Variants in ADAMTS6 observed in about 807,000 individuals in gnomAD.
The protein encoded by ADAMTS6 is ADAM metallopeptidase with thrombospondin type 1 motif 6, also known as A disintegrin and metalloproteinase with thrombospondin motifs 6.
A neutral mutation model predicts 144.3 loss-of-function variants in ADAMTS6; 23 were observed. The ratio of observed to expected loss-of-function variants is 0.16; its 90% CI spans 0.11 to 0.23. The LOEUF (loss-of-function observed/expected upper bound fraction) is 0.23, where lower values mean the gene tolerates loss of function less well. Ranked by LOEUF, ADAMTS6 falls within the 10% of genes least tolerant of loss-of-function variation. The probability of loss-of-function intolerance (pLI) is 1.00; values close to 1 mark genes in which losing one functional copy is unlikely to be tolerated. For synonymous variants in ADAMTS6, 444 were observed against 457.5 expected (o/e 0.97, Z 0.38); for missense variants, 999 against 1,379.6 (o/e 0.72, Z 4.37).
At chr5:65,188,241 A>C in intron 21 of ADAMTS6, 21 bp from the exon 22 acceptor site, 1 of 1,611,172 alleles carries the variant, frequency 6.2e-7, no homozygotes, top group Non-Finnish European at 8.5e-7. Context: ...ACATGGAAGA[A>C]ACACAGAAAA....
intron 22 of ADAMTS6, among the ~76,000 whole-genome samples, chr5:65,187,096 G>A (rs893434669): frequency 1.3e-5 from 2 of 152,232 alleles, no homozygotes; most frequent in African/African-American, 4.8e-5. Flanking sequence ...TATTAGAACA[G>A]AGTCTGAGAT....
Position 65,451,590 on chromosome 5 carries a change from T to G in ADAMTS6, c.958A>C (p.Lys320Gln), listed in dbSNP as rs1758744312. Residue 320 changes from lysine (K) to glutamine (Q), a missense_variant, in exon 7 of 25, where the codon AAG becomes CAG. Transcript: ENST00000381055. ...PNLEINHHADKSLDSFCKWQK... is the reference protein window; with the variant it reads ...PNLEINHHADQSLDSFCKWQK... ...CATTTACAGAAGCTATCGAGGGACTTGTCTGCATGGTGGTTTATCTCCAAG... is the reference window on the plus strand; with the variant it reads ...CATTTACAGAAGCTATCGAGGGACTGGTCTGCATGGTGGTTTATCTCCAAG... 1 of 1,612,974 alleles carries G rather than the reference T, an allele frequency of 6.2e-7. No homozygotes were observed. The highest frequency in any genetic ancestry group is 1.1e-5 in the South Asian group (1 of 90,942).
At chr5:65,215,558 G>T in intron 18 of ADAMTS6, 71 bp from the exon 19 acceptor site, 1 of 1,349,000 alleles carries the variant, frequency 7.4e-7, no homozygotes, top group Non-Finnish European at 1.0e-6. Context: ...ATTAATTACT[G>T]CAATAAAGTA....
intron 10 of ADAMTS6, among the ~76,000 whole-genome samples, chr5:65,298,450 T>C (rs1743066334): frequency 6.6e-6 from 1 of 152,152 alleles, no homozygotes; most frequent in Non-Finnish European, 1.5e-5. Context: ...AGGGAGAAAT[T>C]CCAGATCTGA....
chr5:65,418,218 A>G (rs1755705222), intron 7 of ADAMTS6, among the ~76,000 whole-genome samples: 1 of 152,198 alleles, frequency 6.6e-6, no homozygotes, highest in Admixed American at 6.5e-5. Flanking sequence ...AAATTAACTC[A>G]AGATGGATTA....
At chr5:65,332,339 A>AGAGAGT (rs1561433995) in intron 8 of ADAMTS6, among the ~76,000 whole-genome samples, 1 of 145,414 alleles carries the variant, frequency 6.9e-6, no homozygotes, top group African/African-American at 2.5e-5. Context: ...AGAGAGAGAG[A>AGAGAGT]GTGTATATGT....
At chr5:65,302,107 A>AAAAAAAT (rs1385159906) in intron 9 of ADAMTS6, among the ~76,000 whole-genome samples, 1 of 34,084 alleles carries the variant, frequency 2.9e-5, no homozygotes, top group African/African-American at 1.1e-4. Context: ...AAAAAAAAAA[A>AAAAAAAT]ATATATATAT....
At position 65,241,889 on chromosome 5, in the gene ADAMTS6, G is replaced by A. The variant is rs559026255; in HGVS notation, c.1933+215C>T. 2.6e-5 allele frequency among the ~76,000 whole-genome samples: 4 copies of A among 152,238 alleles called. No homozygotes were observed. The East Asian group carries it at 7.7e-4, about 29-fold the overall frequency. Reference sequence around the variant, plus strand: ...TAAACATAATTAGGTTTTAAGAAATGATTTCTGATCATTTGTACTAATATA... The same window carrying A: ...TAAACATAATTAGGTTTTAAGAAATAATTTCTGATCATTTGTACTAATATA... On this transcript the variant is annotated intron_variant, in intron 15 of 24. Transcript: ENST00000381055.
chr5:65,191,872 T>C (rs541585202), intron 21 of ADAMTS6, among the ~76,000 whole-genome samples: 2 of 152,210 alleles, frequency 1.3e-5, no homozygotes, highest in Admixed American at 1.3e-4. Flanking sequence ...CAAGCAAAAT[T>C]AGATGTATCA....
chr5:65,248,741 C>T (rs768049152), intron 14 of ADAMTS6, among the ~76,000 whole-genome samples: 1 of 152,064 alleles, frequency 6.6e-6, no homozygotes, highest in East Asian at 1.9e-4. Flanking sequence ...GAGTCCAGAT[C>T]ATACCACTGC....
At chr5:65,324,076 C>T (rs1027430559) in intron 9 of ADAMTS6, among the ~76,000 whole-genome samples, 2 of 152,118 alleles carry the variant, frequency 1.3e-5, no homozygotes, top group African/African-American at 4.8e-5. Context: ...GTTGCCTGTT[C>T]ACTCTGATGG....
At chr5:65,187,438 T>G (rs1312105586) in intron 22 of ADAMTS6, among the ~76,000 whole-genome samples, 1 of 152,216 alleles carries the variant, frequency 6.6e-6, no homozygotes, top group Non-Finnish European at 1.5e-5. Context: ...TCCTATGTTA[T>G]AACCTTCAGC....
In ADAMTS6 at chr5:65,398,838, AAGAAAGAAAGAAAAAG is replaced by A. The variant is rs1416141770; in HGVS notation, c.1073+52621_1073+52636del. On this transcript the variant is annotated intron_variant, in intron 7 of 24. Transcript: ENST00000381055. ...AAAGAAAGAAAGAAAGAAAGAAAGA[AAGAAAGAAAGAAAAAG>A]AAAGAGAAAGAAAGAAAGAAAGAAA... is the stretch of plus-strand genomic sequence containing the variant. Among the ~76,000 whole-genome samples, 73 of 128,076 alleles carry A rather than the reference AAGAAAGAAAGAAAAAG, an allele frequency of 5.7e-4. No homozygotes were observed. In the East Asian group the frequency reaches 0.012, roughly 21 times the overall value. 84.0% of individuals were successfully genotyped at this position (128,076 alleles called of 152,430 possible). A position where few individuals can be genotyped will look rare whatever the true frequency, so the allele number is the denominator to read the frequency against.
At chr5:65,357,992 T>C (rs951638511) in intron 7 of ADAMTS6, among the ~76,000 whole-genome samples, 4 of 151,896 alleles carry the variant, frequency 2.6e-5, no homozygotes, top group Non-Finnish European at 4.4e-5. Flanking sequence ...AAGGCAAGTA[T>C]TATGGTACCA....
intron 22 of ADAMTS6, among the ~76,000 whole-genome samples, chr5:65,181,178 CTAATT>C (rs1754327661): frequency 6.6e-6 from 1 of 152,152 alleles, no homozygotes; most frequent in Admixed American, 6.5e-5. Flanking sequence ...TATGTATTGT[CTAATT>C]TAATACAACA....
At chr5:65,424,602 A>C (rs1756348427) in intron 7 of ADAMTS6, among the ~76,000 whole-genome samples, 1 of 152,160 alleles carries the variant, frequency 6.6e-6, no homozygotes, top group Non-Finnish European at 1.5e-5. Context: ...AGCTCTGAGA[A>C]CATCTCACTA....
intron 3 of ADAMTS6, 64 bp downstream of exon 3, chr5:65,470,714 A>T: frequency 7.2e-7 from 1 of 1,383,300 alleles, no homozygotes; most frequent in Non-Finnish European, 9.5e-7. Flanking sequence ...ATCTGAGGAA[A>T]GACATTTACA....
chr5:65,241,593 T>C (rs772525333), intron 15 of ADAMTS6, among the ~76,000 whole-genome samples: 16 of 152,124 alleles, frequency 1.1e-4, no homozygotes, highest in Non-Finnish European at 1.9e-4. Context: ...CTTCTACTTA[T>C]TGAACAATCA....
At chr5:65,217,929 G>A (rs992455381) in intron 18 of ADAMTS6, among the ~76,000 whole-genome samples, 3 of 152,094 alleles carry the variant, frequency 2.0e-5, no homozygotes, top group Non-Finnish European at 4.4e-5. Context: ...CTTTTCTCAT[G>A]CATTGACCAG....
Sources: gnomAD v4.1 joint callset for allele counts (sites outside exome capture counted in the v4.1 genomes callset) on GRCh38, gnomAD v4.1.1 for gene constraint, MANE v1.5 for transcripts, NCBI Gene and HGNC (gene_info 2026-07-23, HGNC 2026-07-21) for gene names.